The following LMNTD1 variants were observed in gnomAD, a reference collection of about 807,000 sequenced individuals.
LMNTD1 encodes the protein lamin tail domain containing 1.
Under a neutral mutation model 50.9 loss-of-function variants are expected in LMNTD1, and 35 were observed. The ratio of observed to expected loss-of-function variants is 0.69; its 90% CI spans 0.53 to 0.91. LMNTD1 has a LOEUF of 0.91. Ranked by LOEUF, LMNTD1 falls within the 40% of genes least tolerant of loss-of-function variation. The probability of loss-of-function intolerance (pLI) is 0.00; values close to 1 mark genes in which losing one functional copy is unlikely to be tolerated. For missense variants in LMNTD1, 470 were observed against 475.5 expected (o/e 0.99, Z 0.11); for synonymous variants, 153 against 161.9 (o/e 0.94, Z 0.42).
chr12:25,547,307 C>T (rs1425973601), intron 3 of LMNTD1: 3 of 348,362 alleles, frequency 8.6e-6, no homozygotes, highest in Non-Finnish European at 1.2e-5. Flanking sequence ...TCAGTTCTGC[C>T]ATTTACTAAG....
At chr12:25,534,527 C>T (rs1942441084) in intron 4 of LMNTD1, among the ~76,000 whole-genome samples, 1 of 152,088 alleles carries the variant, frequency 6.6e-6, no homozygotes, top group Non-Finnish European at 1.5e-5. Context: ...ACCAAGGTGG[C>T]TGGAGGTCAC....
At chr12:25,541,890 C>T (rs550876284) in intron 4 of LMNTD1, among the ~76,000 whole-genome samples, 3 of 150,804 alleles carry the variant, frequency 2.0e-5, no homozygotes, top group Non-Finnish European at 4.4e-5. Context: ...AAACAAACAA[C>T]CCCATCAAAA....
intron 1 of LMNTD1, among the ~76,000 whole-genome samples, chr12:25,641,003 C>A (rs982514471): frequency 6.6e-6 from 1 of 152,138 alleles, no homozygotes; most frequent in Admixed American, 6.5e-5. Context: ...ATTTAGTTTT[C>A]TTTTCTGTTC....
intron 2 of LMNTD1, among the ~76,000 whole-genome samples, chr12:25,552,524 G>C (rs1262628448): frequency 6.9e-6 from 1 of 145,122 alleles, no homozygotes; most frequent in Non-Finnish European, 1.5e-5. Context: ...AGAGAATGGC[G>C]TGAAACCGGG....
chr12:25,493,241 T>C (rs1390973348), intron 9 of LMNTD1, among the ~76,000 whole-genome samples: 2 of 152,196 alleles, frequency 1.3e-5, no homozygotes, highest in African/African-American at 2.4e-5. Flanking sequence ...TAGTGTATAA[T>C]AGATGCTCAA....
At chr12:25,610,103 T>G (rs1475765462) in intron 1 of LMNTD1, among the ~76,000 whole-genome samples, 2 of 152,162 alleles carry the variant, frequency 1.3e-5, no homozygotes, top group East Asian at 3.9e-4. Context: ...TATCTTGGAC[T>G]AGCAGTGAGC....
chr12:25,527,666 A>ATATATATATATAT (rs1941858728), intron 4 of LMNTD1, among the ~76,000 whole-genome samples: 2 of 20,896 alleles, frequency 9.6e-5, no homozygotes, highest in African/African-American at 2.3e-4. Flanking sequence ...ATATATATAT[A>ATATATATATATAT]TATATATATA....
intron 1 of LMNTD1, among the ~76,000 whole-genome samples, chr12:25,644,200 G>A (rs547784173): frequency 1.4e-4 from 22 of 151,872 alleles, no homozygotes; most frequent in African/African-American, 5.3e-4. Flanking sequence ...TTGAAGCCAG[G>A]TGTGATGGCT....
intron 1 of LMNTD1, among the ~76,000 whole-genome samples, chr12:25,575,125 C>G (rs1432566672): frequency 6.6e-6 from 1 of 151,994 alleles, no homozygotes; most frequent in Non-Finnish European, 1.5e-5. Flanking sequence ...TAAGATGCAC[C>G]ATTATTCTAT....
intron 1 of LMNTD1, among the ~76,000 whole-genome samples, chr12:25,599,151 G>C (rs1302293170): frequency 6.6e-6 from 1 of 151,830 alleles, no homozygotes; most frequent in Non-Finnish European, 1.5e-5. Flanking sequence ...ATACAAGGAT[G>C]GTTCAATATT....
chr12:25,602,710 A>G (rs1338087840), intron 1 of LMNTD1, among the ~76,000 whole-genome samples: 1 of 152,060 alleles, frequency 6.6e-6, no homozygotes, highest in East Asian at 1.9e-4. Context: ...TCTGGAGGCT[A>G]CAGTTAAGCA....
intron 1 of LMNTD1, among the ~76,000 whole-genome samples, chr12:25,627,879 A>G (rs527589235): frequency 6.6e-6 from 1 of 151,704 alleles, no homozygotes. Context: ...GGAGGCCGAG[A>G]CGGGCGGATC....
At chr12:25,552,818 C>G (rs1404053285) in intron 2 of LMNTD1, 53 bp downstream of exon 2, 1 of 1,071,488 alleles carries the variant, frequency 9.3e-7, no homozygotes, top group Non-Finnish European at 1.4e-6. Context: ...GCCATCATTC[C>G]TCCTCTATAA....
At position 25,478,291 on chromosome 12, in the gene LMNTD1, G is replaced by T. The variant is rs139749134; in HGVS notation, c.*23-1831C>A. Reference sequence around the variant, plus strand: ...ATCTTCAAATAAAGACAATAATAAGGTCATAATTACACCTAAGATAATATA... The same window carrying T: ...ATCTTCAAATAAAGACAATAATAAGTTCATAATTACACCTAAGATAATATA... On this transcript the variant is annotated intron_variant, in intron 9 of 9. Transcript: ENST00000458174. Among the ~76,000 whole-genome samples the T allele has an allele frequency of 9.7e-3, 1,473 of 152,014 alleles. 26 individuals carry two copies. The highest frequency in any genetic ancestry group is 0.033 in the African/African-American group (1,374 of 41,412).
At chr12:25,598,292 G>T (rs1945883942) in intron 1 of LMNTD1, among the ~76,000 whole-genome samples, 1 of 151,916 alleles carries the variant, frequency 6.6e-6, no homozygotes, top group African/African-American at 2.4e-5. Flanking sequence ...AAAGAAAATT[G>T]AAAAATTTCT....
chr12:25,542,472 C>CA (rs892479159), intron 4 of LMNTD1, among the ~76,000 whole-genome samples: 40 of 146,980 alleles, frequency 2.7e-4, no homozygotes, highest in Non-Finnish European at 1.0e-4. Context: ...ATCGCAAGAA[C>CA]AAAAAACCAA....
Position 25,552,899 on chromosome 12 carries a change from G to T in LMNTD1, c.61C>A (p.Gln21Lys). The change falls in exon 2 of 10, where the codon CAG becomes AAG. Residue 21 changes from glutamine to lysine, a missense_variant. By Grantham distance (53) the Gln-to-Lys change is moderately conservative. Transcript: ENST00000458174. ...SKAMQNKVHE[Q>K]EDKNEKQKQR... ...TTTTGTTTCTCATTCTTATCTTCCT[G>T]CTCATGGACTTTATTCTGCATTGCC... The T allele has an allele frequency of 6.4e-7, 1 of 1,550,894 alleles. No individual in the cohort carries two copies. The highest frequency in any genetic ancestry group is 8.7e-7 in the Non-Finnish European group (1 of 1,145,730).
intron 1 of LMNTD1, among the ~76,000 whole-genome samples, chr12:25,621,358 G>C (rs1393718493): frequency 6.6e-6 from 1 of 152,042 alleles, no homozygotes; most frequent in African/African-American, 2.4e-5. Context: ...CCAAAGTGCT[G>C]GGATTACTGA....
intron 6 of LMNTD1, among the ~76,000 whole-genome samples, chr12:25,523,520 A>C (rs1007246537): frequency 6.6e-6 from 1 of 152,186 alleles, no homozygotes; most frequent in African/African-American, 2.4e-5. Context: ...ACAAATAGAA[A>C]GCAATTCCAG....
Sources: allele counts gnomAD v4.1 joint callset (sites outside exome capture counted in the v4.1 genomes callset), GRCh38; gene constraint gnomAD v4.1.1; transcripts MANE v1.5; gene names NCBI Gene and HGNC (gene_info 2026-07-23, HGNC 2026-07-21).